Variants in NF1 observed in about 807,000 individuals in gnomAD.
The protein encoded by NF1 is neurofibromin.
A neutral mutation model predicts 325.7 loss-of-function variants in NF1; 122 were observed. That is an observed-to-expected ratio of 0.37 (90% CI 0.32 to 0.44). NF1 has a LOEUF of 0.44. Among genes scored for constraint, NF1 ranks in the 20% least tolerant of loss-of-function variants. The probability of loss-of-function intolerance (pLI) is 1.00; values close to 1 mark genes in which losing one functional copy is unlikely to be tolerated. For synonymous variants in NF1, 1,091 were observed against 1,186.0 expected (o/e 0.92, Z 1.65); for missense variants, 2,140 against 3,415.4 (o/e 0.63, Z 9.31).
At chr17:31,261,157 C>T (rs1362289590) in intron 34 of NF1, among the ~76,000 whole-genome samples, 3 of 151,720 alleles carry the variant, frequency 2.0e-5, no homozygotes, top group South Asian at 2.1e-4. Flanking sequence ...CCAGGAAAAT[C>T]GCTTGAACCC....
At chr17:31,111,056 C>G (rs1057042753) in intron 1 of NF1, among the ~76,000 whole-genome samples, 1 of 151,976 alleles carries the variant, frequency 6.6e-6, no homozygotes, top group Admixed American at 6.6e-5. Context: ...CAAAATCTTC[C>G]TTAACACCAC....
chr17:31,194,952 T>G (rs2066408104), intron 8 of NF1, among the ~76,000 whole-genome samples: 2 of 152,134 alleles, frequency 1.3e-5, no homozygotes, highest in South Asian at 2.1e-4. Flanking sequence ...CTTTTGAAAG[T>G]AACTAATTAT....
Position 31,352,511 on chromosome 17 carries a change from T to A in NF1, c.7615+97T>A, listed in dbSNP as rs2070176359. Reference sequence around the variant, plus strand: ...ATTTGAAATTTCAGGATTATCAAAATTTTCCATGTCAGTGTAGCAAAGTTT... The same window carrying A: ...ATTTGAAATTTCAGGATTATCAAAAATTTCCATGTCAGTGTAGCAAAGTTT... On this transcript the variant is annotated intron_variant, in intron 51 of 57. Transcript: ENST00000358273. 4.9e-5 allele frequency: 62 copies of A among 1,262,124 alleles called. 2 individuals are homozygous for A. In the South Asian group the frequency reaches 9.5e-4, roughly 19 times the overall value. The allele number at this position is 1,262,124 out of a possible 1,614,324, so 78.2% of individuals were successfully genotyped here. A position where few individuals can be genotyped will look rare whatever the true frequency, so the allele number is the denominator to read the frequency against.
At chr17:31,247,498 T>C (rs1282638975) in intron 29 of NF1, among the ~76,000 whole-genome samples, 1 of 152,192 alleles carries the variant, frequency 6.6e-6, no homozygotes, top group South Asian at 2.1e-4. Flanking sequence ...TGTCTAACCT[T>C]AGTAGGAACT....
chr17:31,280,280 G>A lies in NF1; in HGVS notation c.4835+14941G>A, dbSNP rs181296370. On this transcript the variant is annotated intron_variant, in intron 36 of 57. Coordinates refer to ENST00000358273, the MANE Select transcript of NF1 (RefSeq NM_001042492.3). ...TGTAATTGCAGCACTTTGGGAAGCC[G>A]AGGCAGGGTGGATCACGAGGTCAGG... is the stretch of plus-strand genomic sequence containing the variant. Among the ~76,000 whole-genome samples the A allele has an allele frequency of 2.6e-5, 4 of 151,142 alleles. No individual in the cohort carries two copies. The East Asian group carries it at 5.8e-4, about 22-fold the overall frequency.
rs775693845 is a variant in NF1, at chr17:31,265,211, CT to C, written c.4725-17del. ...GACAACATAAAGCCTCATAATTACT[CT>C]GTTATTTTTCTTTTAGGCATCAGGT... On this transcript the variant is annotated splice_polypyrimidine_tract_variant and intron_variant, in intron 35 of 57. Coordinates refer to ENST00000358273, the MANE Select transcript of NF1 (RefSeq NM_001042492.3). The C allele has an allele frequency of 6.5e-7, 1 of 1,543,604 alleles. No homozygotes were observed. The highest frequency in any genetic ancestry group is 1.1e-5 in the South Asian group (1 of 89,416).
At chr17:31,205,642 A>C (rs1188985230) in intron 11 of NF1, among the ~76,000 whole-genome samples, 2 of 152,180 alleles carry the variant, frequency 1.3e-5, no homozygotes, top group Non-Finnish European at 2.9e-5. Context: ...GTCTTTGTTT[A>C]TGGTAATTGT....
chr17:31,284,643 A>C (rs2068189591), intron 36 of NF1, among the ~76,000 whole-genome samples: 1 of 151,850 alleles, frequency 6.6e-6, no homozygotes, highest in Non-Finnish European at 1.5e-5. Flanking sequence ...CTGGTCTCAT[A>C]GAACTCCTGA....
At chr17:31,158,897 G>C (rs2065713853) in intron 2 of NF1, 113 bp from the exon 3 acceptor site, 2 of 680,630 alleles carry the variant, frequency 2.9e-6, no homozygotes, top group Non-Finnish European at 5.4e-6. Context: ...TATAATCTGG[G>C]AGGTAAAATG....
chr17:31,282,253 G>A (rs978741965), intron 36 of NF1, among the ~76,000 whole-genome samples: 1 of 151,570 alleles, frequency 6.6e-6, no homozygotes. Flanking sequence ...GCGGTGGCAG[G>A]CACCTGTAGT....
chr17:31,232,202 C>T lies in NF1; in HGVS notation c.3314+13C>T. On this transcript the variant is annotated intron_variant, in intron 25 of 57. Transcript: ENST00000358273. ...AGTTATTTCTTAAGTAAATTTCAGTCACCAAAAAACATAAAGCAAAAAGCA... is the reference window on the plus strand; with the variant it reads ...AGTTATTTCTTAAGTAAATTTCAGTTACCAAAAAACATAAAGCAAAAAGCA... 1 of 1,516,018 alleles carries T rather than the reference C, an allele frequency of 6.6e-7. No individual in the cohort carries two copies. Among genetic ancestry groups the T allele is most frequent in the Non-Finnish European group, 9.2e-7 (1 of 1,091,394 alleles). The allele number at this position is 1,516,018 out of a possible 1,614,324, so 93.9% of individuals were successfully genotyped here.
chr17:31,295,931 A>G (rs753625503), intron 36 of NF1: 1 of 1,614,152 alleles, frequency 6.2e-7, no homozygotes, highest in South Asian at 1.1e-5. Flanking sequence ...CTTTTCCAGC[A>G]TGTTCTTAGA....
At chr17:31,245,109 C>G (rs17881761) in intron 29 of NF1, among the ~76,000 whole-genome samples, 3 of 152,090 alleles carry the variant, frequency 2.0e-5, no homozygotes, top group Admixed American at 6.5e-5. Context: ...GTACCTGCTG[C>G]TATGCTGACT....
At chr17:31,141,138 ACTG>A (rs1916183779) in intron 1 of NF1, among the ~76,000 whole-genome samples, 1 of 152,092 alleles carries the variant, frequency 6.6e-6, no homozygotes, top group Non-Finnish European at 1.5e-5. Context: ...AGATGTTTTC[ACTG>A]TAGTAACCAT....
In NF1 at chr17:31,225,083, A is replaced by G; in HGVS notation, c.1846-12A>G. 6.2e-7 allele frequency: 1 copy of G among 1,612,670 alleles called. No homozygotes were observed. Among genetic ancestry groups the G allele is most frequent in the Admixed American group, 1.7e-5 (1 of 59,978 alleles). Reference sequence around the variant, plus strand: ...GTGCTTCAGTAAAGCTTATTTATTTATTTTTTTCTAGCAGGCAGATAGAAG... The same window carrying G: ...GTGCTTCAGTAAAGCTTATTTATTTGTTTTTTTCTAGCAGGCAGATAGAAG... On this transcript the variant is annotated splice_polypyrimidine_tract_variant and intron_variant, in intron 16 of 57. Transcript: ENST00000358273.
intron 8 of NF1, among the ~76,000 whole-genome samples, chr17:31,197,390 A>G (rs544843183): frequency 1.4e-5 from 2 of 140,904 alleles, no homozygotes; most frequent in African/African-American, 5.3e-5. Flanking sequence ...GGATTTTGAT[A>G]GGGATTGCAT....
chr17:31,095,237 G>T lies in NF1; in HGVS notation c.-73G>T, dbSNP rs886052795. 2.8e-6 allele frequency: 4 copies of T among 1,426,564 alleles called. No homozygotes were observed. The highest frequency in any genetic ancestry group is 3.8e-6 in the Non-Finnish European group (4 of 1,050,840). 88.4% of individuals were successfully genotyped at this position (1,426,564 alleles called of 1,614,324 possible). On this transcript the variant is annotated 5_prime_UTR_variant, in exon 1 of 58. Transcript: ENST00000358273. ...TGCCTCTTCCCTCACCTCAGCCTCCGCTCCCCGCCCTCTTCCCGGCCCAGG... is the reference window on the plus strand; with the variant it reads ...TGCCTCTTCCCTCACCTCAGCCTCCTCTCCCCGCCCTCTTCCCGGCCCAGG...
At chr17:31,342,235 T>A (rs1045314852) in intron 47 of NF1, among the ~76,000 whole-genome samples, 3 of 152,088 alleles carry the variant, frequency 2.0e-5, no homozygotes, top group African/African-American at 7.2e-5. Context: ...TCATTGCCGT[T>A]TTTCTAAAAC....
chr17:31,107,101 T>G (rs573968733), intron 1 of NF1, among the ~76,000 whole-genome samples: 1 of 152,250 alleles, frequency 6.6e-6, no homozygotes, highest in East Asian at 1.9e-4. Flanking sequence ...ATCCTTCATC[T>G]TGTCTTTTGG....
Sources: allele counts gnomAD v4.1 joint callset (sites outside exome capture counted in the v4.1 genomes callset), GRCh38; gene constraint gnomAD v4.1.1; transcripts MANE v1.5; gene names NCBI Gene and HGNC (gene_info 2026-07-23, HGNC 2026-07-21).